The following FMN1 variants were observed in gnomAD, a reference collection of about 807,000 sequenced individuals.
The protein encoded by FMN1 is formin 1.
FMN1 carries 110 observed loss-of-function variants against 132.4 expected under a neutral mutation model. The observed-to-expected ratio is 0.83, with a 90% CI of 0.71 to 0.97. FMN1 has a LOEUF of 0.97. Among genes scored for constraint, FMN1 ranks in the 50% least tolerant of loss-of-function variants. The probability of loss-of-function intolerance (pLI) is 0.00; values close to 1 mark genes in which losing one functional copy is unlikely to be tolerated. For missense variants in FMN1, 1,792 were observed against 1,705.3 expected (o/e 1.05, Z -0.90); for synonymous variants, 722 against 651.7 (o/e 1.11, Z -1.64).
Position 32,854,914 on chromosome 15 carries a change from C to CAA in FMN1, c.3928+2099_3928+2100dup, listed in dbSNP as rs202139764. On this transcript the variant is annotated intron_variant, in intron 17 of 20. Coordinates refer to ENST00000616417, the MANE Select transcript of FMN1 (RefSeq NM_001277313.2). ...GGGCAATGAGGGTAAAACTCCACCT[C>CAA]AAAAAAAAAAACAAAAAACAAACAA... is the stretch of plus-strand genomic sequence containing the variant. Among the ~76,000 whole-genome samples, 148 of 132,914 alleles carry CAA rather than the reference C, an allele frequency of 1.1e-3. 1 individual carries two copies. Among genetic ancestry groups the CAA allele is most frequent in the South Asian group, 2.6e-3 (11 of 4,288 alleles). 87.2% of individuals were successfully genotyped at this position (132,914 alleles called of 152,430 possible).
intron 7 of FMN1, among the ~76,000 whole-genome samples, chr15:32,993,231 A>G (rs2033551059): frequency 6.6e-6 from 1 of 152,232 alleles, no homozygotes; most frequent in Admixed American, 6.5e-5. Flanking sequence ...GCCATATAAA[A>G]TTGCTGCTTT....
chr15:32,956,324 A>G (rs2061767082), intron 9 of FMN1, among the ~76,000 whole-genome samples: 1 of 152,160 alleles, frequency 6.6e-6, no homozygotes. Flanking sequence ...TTCTGAAAGA[A>G]TCATTGATAT....
At chr15:33,040,439 A>G (rs1453529568) in intron 6 of FMN1, among the ~76,000 whole-genome samples, 1 of 152,254 alleles carries the variant, frequency 6.6e-6, no homozygotes, top group Admixed American at 6.5e-5. Flanking sequence ...GAAAAAAACC[A>G]TTAAGTGCTT....
In FMN1 at chr15:32,863,370, C is replaced by G. The variant is rs28539628; in HGVS notation, c.3836-6263G>C. ...AATGGCGTGAACCCGGGAGGCGGAG[C>G]TTGCAGTGAGCCGAGATTGTGCCAC... is the stretch of plus-strand genomic sequence containing the variant. On this transcript the variant is annotated intron_variant, in intron 16 of 20. Transcript: ENST00000616417. 5.6e-3 allele frequency among the ~76,000 whole-genome samples: 846 copies of G among 152,206 alleles called. 8 individuals carry two copies. Among genetic ancestry groups the G allele is most frequent in the Middle Eastern group, 0.01 (3 of 294 alleles).
chr15:32,776,986 GAA>G, intron 19 of FMN1, 67 bp from the exon 20 acceptor site: 10 of 981,726 alleles, frequency 1.0e-5, no homozygotes, highest in Non-Finnish European at 1.6e-5. Flanking sequence ...AAGGAAAGAA[GAA>G]AAGAGTTAAG....
At chr15:32,932,564 A>G (rs562521401) in intron 9 of FMN1, among the ~76,000 whole-genome samples, 1 of 152,296 alleles carries the variant, frequency 6.6e-6, no homozygotes, top group African/African-American at 2.4e-5. Context: ...GAGTTTGAGA[A>G]GCACTGCTTC....
chr15:32,885,115 C>T (rs995703600), intron 16 of FMN1, among the ~76,000 whole-genome samples: 7 of 152,194 alleles, frequency 4.6e-5, no homozygotes, highest in African/African-American at 1.7e-4. Flanking sequence ...GTAAAACATA[C>T]ACATCTGAAC....
chr15:32,954,028 T>C (rs1271701874), intron 9 of FMN1, among the ~76,000 whole-genome samples: 1 of 152,210 alleles, frequency 6.6e-6, no homozygotes, highest in East Asian at 1.9e-4. Flanking sequence ...AGATGCCATG[T>C]TAGGTATAGA....
At position 33,047,063 on chromosome 15, in the gene FMN1, T is replaced by A. The variant is rs187952253; in HGVS notation, c.2161+17894A>T. Among the ~76,000 whole-genome samples, 168 of 152,342 alleles carry A rather than the reference T, an allele frequency of 1.1e-3. 1 individual carries two copies. The highest frequency in any genetic ancestry group is 1.9e-3 in the Non-Finnish European group (126 of 68,038). On this transcript the variant is annotated intron_variant, in intron 6 of 20. Transcript: ENST00000616417. ...TTGTTTTATGTCCTTGGGAACTTGA[T>A]CTTGTAACCACATGGCAGTATTTTC...
chr15:32,963,979 CAT>C, intron 9 of FMN1, 126 bp downstream of exon 9: 4 of 507,228 alleles, frequency 7.9e-6, no homozygotes, highest in South Asian at 5.0e-5. Flanking sequence ...GATACACACA[CAT>C]ATATGTATAG....
intron 6 of FMN1, among the ~76,000 whole-genome samples, chr15:33,016,121 T>C (rs1262916179): frequency 6.7e-6 from 1 of 150,184 alleles, no homozygotes; most frequent in African/African-American, 2.4e-5. Flanking sequence ...TTCATTAAAA[T>C]AACAAATTAA....
At chr15:32,877,417 G>T (rs2059663755) in intron 16 of FMN1, among the ~76,000 whole-genome samples, 2 of 151,936 alleles carry the variant, frequency 1.3e-5, no homozygotes, top group Non-Finnish European at 2.9e-5. Flanking sequence ...TTTGAAAGTT[G>T]ACTTTTTAAA....
chr15:33,181,856 C>T (rs1312639225), intron 2 of FMN1, among the ~76,000 whole-genome samples: 2 of 151,796 alleles, frequency 1.3e-5, no homozygotes, highest in African/African-American at 2.4e-5. Context: ...TTACAGATGC[C>T]TGCCACCATG....
chr15:32,889,610 G>A (rs140795981), intron 15 of FMN1, among the ~76,000 whole-genome samples: 97 of 152,028 alleles, frequency 6.4e-4, no homozygotes, highest in African/African-American at 2.2e-3. Flanking sequence ...GTCCCTTTCC[G>A]ACCCTTCCCT....
chr15:32,798,132 C>A (rs1352789162), intron 19 of FMN1, among the ~76,000 whole-genome samples: 1 of 150,624 alleles, frequency 6.6e-6, no homozygotes, highest in African/African-American at 2.4e-5. Flanking sequence ...GGCAGAAATG[C>A]TTTTTTCTGA....
rs2057581713 is a variant in FMN1, at chr15:32,804,263, C to G, written c.3980+18G>C. 6.4e-7 allele frequency: 1 copy of G among 1,550,892 alleles called. No homozygotes were observed. ...GGCTAGTCAAAGAAAGAACTGGGGC[C>G]AAATCAGAGCTGCTTACCTTTTCTG... On this transcript the variant is annotated intron_variant, in intron 18 of 20. Transcript: ENST00000616417.
At chr15:32,939,242 C>G (rs1318505468) in intron 9 of FMN1, among the ~76,000 whole-genome samples, 1 of 152,184 alleles carries the variant, frequency 6.6e-6, no homozygotes, top group Non-Finnish European at 1.5e-5. Flanking sequence ...AAGCAAGAAG[C>G]ACAGCTAACC....
At position 33,048,644 on chromosome 15, in the gene FMN1, A is replaced by AAAAAAAAAACAAAAAC; in HGVS notation, c.2161+16312_2161+16313insGTTTTTGTTTTTTTTT. On this transcript the variant is annotated intron_variant, in intron 6 of 20. Transcript: ENST00000616417. ...TGGGCAATTTACCAAAAAAAAAAAA[A>AAAAAAAAAACAAAAAC]AAAAACCAACAGTTTAATGGACTTA... 1.7e-4 allele frequency among the ~76,000 whole-genome samples: 15 copies of AAAAAAAAAACAAAAAC among 86,950 alleles called. 1 individual carries two copies. The highest frequency in any genetic ancestry group is 7.9e-4 in the Admixed American group (5 of 6,300). The allele number at this position is 86,950 out of a possible 152,430, so 57.0% of individuals were successfully genotyped here.
chr15:33,124,754 C>CACT (rs1962888842), intron 4 of FMN1, among the ~76,000 whole-genome samples: 1 of 151,972 alleles, frequency 6.6e-6, no homozygotes, highest in African/African-American at 2.4e-5. Flanking sequence ...CACTAAATAG[C>CACT]ACTCCTTTGT....
Sources: allele counts gnomAD v4.1 joint callset (sites outside exome capture counted in the v4.1 genomes callset), GRCh38; gene constraint gnomAD v4.1.1; transcripts MANE v1.5; gene names NCBI Gene and HGNC (gene_info 2026-07-23, HGNC 2026-07-21).